Variants in EXT2 observed in about 807,000 individuals in gnomAD.
EXT2 encodes the protein exostosin glycosyltransferase 2.
Under a neutral mutation model 81.6 loss-of-function variants are expected in EXT2, and 53 were observed. That is an observed-to-expected ratio of 0.65 (90% CI 0.52 to 0.82). The LOEUF (loss-of-function observed/expected upper bound fraction) is 0.82, where lower values mean the gene tolerates loss of function less well. EXT2 is among the 40% of genes least tolerant of loss of function. The pLI is 0.00. For synonymous variants in EXT2, 320 were observed against 340.0 expected (o/e 0.94, Z 0.65); for missense variants, 774 against 910.2 (o/e 0.85, Z 1.93).
Position 44,206,942 on chromosome 11 carries a change from C to A in EXT2, c.1645C>A (p.Leu549Met), listed in dbSNP as rs142565472. The A allele has an allele frequency of 1.9e-6, 3 of 1,614,054 alleles. No individual in the cohort carries two copies. In the South Asian group the frequency reaches 3.3e-5, roughly 18 times the overall value. Residue 549 changes from leucine to methionine, a missense_variant, in exon 10 of 14, where the codon CTG becomes ATG. By Grantham distance (15) the Leu-to-Met change is conservative. This residue lies in a region of EXT2 where 148 missense variants were observed against 239.7 expected (regional missense o/e 0.62). Coordinates refer to ENST00000533608, the MANE Select transcript of EXT2 (RefSeq NM_207122.2). ...TATCATTATGCTGACCTCTGACGAG[C>A]TGCAATTTGGTTATGAGGTAAGGAG... ...DDIIMLTSDELQFGYEVWREF... is the reference protein window; with the variant it reads ...DDIIMLTSDEMQFGYEVWREF...
intron 1 of EXT2, chr11:44,096,127 C>A: frequency 1.1e-6 from 1 of 899,096 alleles, no homozygotes; most frequent in Non-Finnish European, 1.8e-6. Flanking sequence ...GTTCTCCTAG[C>A]CAACCTTCGC....
rs1002959804 is a variant in EXT2, at chr11:44,196,318, T to C, written c.1306-1511T>C. 3.3e-5 allele frequency among the ~76,000 whole-genome samples: 5 copies of C among 152,194 alleles called. 1 individual carries two copies. The highest frequency in any genetic ancestry group is 1.2e-4 in the African/African-American group (5 of 41,450). ...GTTTTTGTTTTTTTATTTTTGTCTT[T>C]TTAAAAAATTCACTGTGCTGCTTCT... is the stretch of plus-strand genomic sequence containing the variant. On this transcript the variant is annotated intron_variant, in intron 8 of 13. Coordinates refer to ENST00000533608, the MANE Select transcript of EXT2 (RefSeq NM_207122.2).
intron 7 of EXT2, among the ~76,000 whole-genome samples, chr11:44,163,558 G>A (rs1387953370): frequency 2.0e-5 from 3 of 152,228 alleles, no homozygotes; most frequent in Non-Finnish European, 4.4e-5. Flanking sequence ...TTAGCCTTTG[G>A]CATATGTATT....
chr11:44,197,894 C>T lies in EXT2; in HGVS notation c.1371C>T (p.Thr457=), dbSNP rs749466870. Residue 457 remains threonine (T), a synonymous_variant, in exon 9 of 14, where the codon ACC becomes ACT. Coordinates refer to ENST00000533608, the MANE Select transcript of EXT2 (RefSeq NM_207122.2). ...PLIPPQSQGF[T]AIVLTYDRVE... is the part of the protein sequence containing the mutation. ...TCCCACCACAGTCTCAAGGGTTCAC[C>T]GCCATAGTCCTCACCTACGACCGAG... 2.9e-5 allele frequency: 46 copies of T among 1,613,982 alleles called. No individual in the cohort carries two copies. The highest frequency in any genetic ancestry group is 1.6e-4 in the Middle Eastern group (1 of 6,082).
intron 7 of EXT2, among the ~76,000 whole-genome samples, chr11:44,161,961 A>G (rs1029060467): frequency 2.6e-5 from 4 of 152,224 alleles, no homozygotes; most frequent in Non-Finnish European, 4.4e-5. Flanking sequence ...AAAGACAAGG[A>G]AAGACTGAGA....
At chr11:44,110,106 G>A (rs1395023232) in intron 3 of EXT2, among the ~76,000 whole-genome samples, 1 of 152,178 alleles carries the variant, frequency 6.6e-6, no homozygotes, top group African/African-American at 2.4e-5. Flanking sequence ...ATTACAGTTG[G>A]TGTTTAACTC....
intron 1 of EXT2, among the ~76,000 whole-genome samples, chr11:44,100,394 T>A (rs1469831347): frequency 1.3e-5 from 2 of 152,196 alleles, no homozygotes; most frequent in Non-Finnish European, 2.9e-5. Context: ...TGGTAACCCC[T>A]GGTACTCTCT....
At chr11:44,241,293 G>A (rs888231984) in intron 13 of EXT2, among the ~76,000 whole-genome samples, 1 of 152,182 alleles carries the variant, frequency 6.6e-6, no homozygotes, top group African/African-American at 2.4e-5. Flanking sequence ...AAAGAACATA[G>A]TATTTTGAAT....
intron 2 of EXT2, 107 bp downstream of exon 2, chr11:44,108,355 C>T (rs538108829): frequency 5.7e-6 from 7 of 1,221,152 alleles, no homozygotes; most frequent in African/African-American, 3.0e-5. Context: ...GTTGGTTTCC[C>T]GATGCTGTCT....
In EXT2 at chr11:44,114,282, C is replaced by T. The variant is rs956324934; in HGVS notation, c.724C>T (p.Leu242Phe). 3 of 1,613,694 alleles carry T rather than the reference C, an allele frequency of 1.9e-6. No individual in the cohort carries two copies. The highest frequency in any genetic ancestry group is 1.7e-5 in the Admixed American group (1 of 60,002). Reference protein sequence around the residue: ...VYSPLSAEVDLPEKGPGPRQY... With the variant: ...VYSPLSAEVDFPEKGPGPRQY... Reference sequence around the variant, plus strand: ...TAGTCCACTGTCAGCTGAGGTGGATCTTCCAGAGAAAGGACCAGGGTAAGG... The same window carrying T: ...TAGTCCACTGTCAGCTGAGGTGGATTTTCCAGAGAAAGGACCAGGGTAAGG... Residue 242 changes from leucine (L) to phenylalanine (F), a missense_variant, in exon 4 of 14, where the codon CTT becomes TTT. Leu to Phe is a conservative substitution (Grantham distance 22). Coordinates refer to ENST00000533608, the MANE Select transcript of EXT2 (RefSeq NM_207122.2).
intron 8 of EXT2, among the ~76,000 whole-genome samples, chr11:44,181,529 C>T (rs568544391): frequency 2.0e-5 from 3 of 152,170 alleles, no homozygotes; most frequent in Admixed American, 6.5e-5. Flanking sequence ...TGCTGTTTTT[C>T]GTACCTTACC....
intron 7 of EXT2, among the ~76,000 whole-genome samples, chr11:44,133,020 A>G (rs985729357): frequency 2.0e-5 from 3 of 152,304 alleles, no homozygotes; most frequent in East Asian, 1.9e-4. Flanking sequence ...CTAGATTCCA[A>G]TAGCACCCCT....
intron 7 of EXT2, among the ~76,000 whole-genome samples, chr11:44,143,728 G>A (rs1054825373): frequency 5.9e-5 from 9 of 151,996 alleles, no homozygotes; most frequent in Non-Finnish European, 1.2e-4. Context: ...GTGATAGATG[G>A]TATTGGACCT....
chr11:44,109,973 T>C (rs1954119910), intron 3 of EXT2, among the ~76,000 whole-genome samples: 1 of 152,188 alleles, frequency 6.6e-6, no homozygotes, highest in Non-Finnish European at 1.5e-5. Context: ...GGGACCTCTC[T>C]TAGTGCTGGG....
At position 44,229,731 on chromosome 11, in the gene EXT2, C is replaced by T. The variant is rs1955877326; in HGVS notation, c.1663-2622C>T. Among the ~76,000 whole-genome samples the T allele has an allele frequency of 2.6e-5, 4 of 152,244 alleles. 1 individual carries two copies. The South Asian group carries it at 8.3e-4, about 31-fold the overall frequency. On this transcript the variant is annotated intron_variant, in intron 10 of 13. Coordinates refer to ENST00000533608, the MANE Select transcript of EXT2 (RefSeq NM_207122.2). ...TATTCATGGTAACTGCTGGTCAGTACTGCTGCAGGCTTCCTTCCTGAATTA... is the reference window on the plus strand; with the variant it reads ...TATTCATGGTAACTGCTGGTCAGTATTGCTGCAGGCTTCCTTCCTGAATTA...
Position 44,232,424 on chromosome 11 carries a change from T to C in EXT2, c.1734T>C (p.Asn578=). Residue 578 remains asparagine, a synonymous_variant, in exon 11 of 14, where the codon AAT becomes AAC. Transcript: ENST00000533608. ...GRLHLWDHEM[N]KWKYESEWTN... ...TGCATCTCTGGGACCATGAGATGAA[T>C]AAGTGGAAGTATGAGTCTGAGTGGA... is the stretch of plus-strand genomic sequence containing the variant. 1 of 1,614,060 alleles carries C rather than the reference T, an allele frequency of 6.2e-7. No homozygotes were observed. The highest frequency in any genetic ancestry group is 1.3e-5 in the African/African-American group (1 of 75,020).
intron 8 of EXT2, among the ~76,000 whole-genome samples, chr11:44,194,657 G>A (rs1214438362): frequency 6.6e-6 from 1 of 152,064 alleles, no homozygotes; most frequent in Non-Finnish European, 1.5e-5. Flanking sequence ...AACAATAACC[G>A]TATCTATCTT....
chr11:44,096,622 T>TA (rs1461060457), intron 1 of EXT2, among the ~76,000 whole-genome samples: 1 of 152,172 alleles, frequency 6.6e-6, no homozygotes, highest in Non-Finnish European at 1.5e-5. Flanking sequence ...AGGGGCATGT[T>TA]AGTCTCGGGA....
At position 44,098,240 on chromosome 11, in the gene EXT2, C is replaced by T. The variant is rs576540777; in HGVS notation, c.-31+2388C>T. Among the ~76,000 whole-genome samples the T allele has an allele frequency of 3.3e-5, 5 of 152,230 alleles. No homozygotes were observed. In the South Asian group the frequency reaches 8.3e-4, roughly 25 times the overall value. On this transcript the variant is annotated intron_variant, in intron 1 of 13. Transcript: ENST00000533608. ...TTCCTCGGATGATGGTTTGGAGATACTCCATCTCTCTGTGCTTTGGCATGT... is the reference window on the plus strand; with the variant it reads ...TTCCTCGGATGATGGTTTGGAGATATTCCATCTCTCTGTGCTTTGGCATGT...
Sources: gnomAD v4.1 joint callset for allele counts (sites outside exome capture counted in the v4.1 genomes callset) on GRCh38, gnomAD v4.1.1 for gene constraint, gnomAD v4.1.1 regional missense constraint, MANE v1.5 for transcripts, NCBI Gene and HGNC (gene_info 2026-07-23, HGNC 2026-07-21) for gene names.